FAT3: variants seen among roughly 807,000 people sequenced by gnomAD.
FAT3 encodes FAT atypical cadherin 3, also known as protocadherin Fat 3.
FAT3 carries 95 observed loss-of-function variants against 310.2 expected under a neutral mutation model. The observed-to-expected ratio is 0.31, with a 90% CI of 0.26 to 0.36. The LOEUF (loss-of-function observed/expected upper bound fraction) is 0.36, where lower values mean the gene tolerates loss of function less well. Ranked by LOEUF, FAT3 falls within the 10% of genes least tolerant of loss-of-function variation. The probability of loss-of-function intolerance (pLI) is 1.00; values close to 1 mark genes in which losing one functional copy is unlikely to be tolerated. For synonymous variants in FAT3, 2,314 were observed against 2,192.9 expected (o/e 1.06, Z -1.54); for missense variants, 5,408 against 5,715.6 (o/e 0.95, Z 1.74).
At chr11:92,729,234 AACTG>A (rs1467004154) in intron 4 of FAT3, among the ~76,000 whole-genome samples, 2 of 152,178 alleles carry the variant, frequency 1.3e-5, no homozygotes, top group African/African-American at 2.4e-5. Flanking sequence ...CTTGCAAACA[AACTG>A]ACTGACAAAC....
chr11:92,534,950 C>T (rs578001791), intron 3 of FAT3, among the ~76,000 whole-genome samples: 4 of 152,036 alleles, frequency 2.6e-5, no homozygotes, highest in South Asian at 2.1e-4. Context: ...GGACCAAGAG[C>T]GTATATCCTA....
intron 21 of FAT3, 89 bp downstream of exon 21, chr11:92,859,411 C>G: frequency 6.0e-6 from 8 of 1,326,960 alleles, no homozygotes; most frequent in Non-Finnish European, 8.0e-6. Flanking sequence ...ATCATTTTGT[C>G]TTTTAAGTTC....
At chr11:92,362,886 T>C (rs759275804) in intron 2 of FAT3, among the ~76,000 whole-genome samples, 5 of 152,202 alleles carry the variant, frequency 3.3e-5, no homozygotes, top group Non-Finnish European at 7.3e-5. Flanking sequence ...GTACCAACAG[T>C]AGAGAGATAA....
intron 2 of FAT3, among the ~76,000 whole-genome samples, chr11:92,406,891 C>G (rs74583115): frequency 0.085 from 12,885 of 152,210 alleles, 746 homozygotes; most frequent in Non-Finnish European, 0.12. Context: ...CTACCCTCTT[C>G]CTGGCCAGAT....
intron 4 of FAT3, among the ~76,000 whole-genome samples, chr11:92,725,621 G>A (rs555419062): frequency 2.6e-5 from 4 of 152,154 alleles, no homozygotes; most frequent in Admixed American, 6.5e-5. Flanking sequence ...TAGAAGTCTA[G>A]CATCTTAAAA....
intron 3 of FAT3, among the ~76,000 whole-genome samples, chr11:92,630,228 C>T (rs1190239843): frequency 6.6e-6 from 1 of 152,170 alleles, no homozygotes; most frequent in Non-Finnish European, 1.5e-5. Context: ...CCCCTTGATG[C>T]CTGTGACACT....
chr11:92,612,793 G>A (rs1482780286), intron 3 of FAT3, among the ~76,000 whole-genome samples: 5 of 152,174 alleles, frequency 3.3e-5, no homozygotes, highest in Admixed American at 3.3e-4. Flanking sequence ...CTGAAAGATA[G>A]TGGCATTCAG....
intron 4 of FAT3, among the ~76,000 whole-genome samples, chr11:92,755,024 A>T (rs765062299): frequency 6.6e-6 from 1 of 152,174 alleles, no homozygotes; most frequent in Non-Finnish European, 1.5e-5. Flanking sequence ...TTATAAGAGC[A>T]GAGAATAGAA....
chr11:92,266,443 C>A (rs1479061182), intron 1 of FAT3, among the ~76,000 whole-genome samples: 1 of 152,160 alleles, frequency 6.6e-6, no homozygotes, highest in East Asian at 1.9e-4. Context: ...AGCTGTGTGG[C>A]CTCAGTTGAT....
At chr11:92,519,292 A>G (rs1953604652) in intron 2 of FAT3, among the ~76,000 whole-genome samples, 1 of 152,106 alleles carries the variant, frequency 6.6e-6, no homozygotes, top group Non-Finnish European at 1.5e-5. Context: ...TCAGTGGAAA[A>G]AGAAGAGTCT....
chr11:92,743,821 T>C (rs181086738), intron 4 of FAT3, among the ~76,000 whole-genome samples: 343 of 152,300 alleles, frequency 2.3e-3, no homozygotes, highest in South Asian at 3.7e-3. Context: ...ACAGGGGAAC[T>C]GGGGGCTTTG....
intron 9 of FAT3, 70 bp downstream of exon 9, chr11:92,793,047 CA>C: frequency 6.8e-7 from 1 of 1,480,180 alleles, no homozygotes; most frequent in South Asian, 1.2e-5. Context: ...TATTTATCAC[CA>C]TGTAAAATTC....
chr11:92,447,878 G>A (rs1348326395), intron 2 of FAT3, among the ~76,000 whole-genome samples: 2 of 151,848 alleles, frequency 1.3e-5, no homozygotes, highest in Admixed American at 1.3e-4. Context: ...CTTTGCAGAA[G>A]GGTAGATGCT....
intron 3 of FAT3, among the ~76,000 whole-genome samples, chr11:92,589,426 C>T (rs757684503): frequency 2.0e-4 from 31 of 152,188 alleles, no homozygotes; most frequent in Middle Eastern, 3.4e-3. Flanking sequence ...ACATGACTAG[C>T]ACTTAAAGCC....
Position 92,800,401 on chromosome 11 carries a change from C to T in FAT3, c.7388C>T (p.Pro2463Leu). The stretch of plus-strand genomic sequence containing the variant: ...AACCATCGGAAGCAGCGGATGGAGC[C>T]TCTGTACAGTCTCAATGTGTCTGTC... ...LSNHRKQRME[P>L]LYSLNVSVSD... The change falls in exon 10 of 28, where the codon CCT (proline) becomes CTT (leucine). Residue 2463 changes from proline to leucine, a missense_variant. Physicochemically the swap from Pro to Leu is moderately conservative, Grantham distance 98. Around this residue, in one of 5 missense-constraint regions of FAT3, gnomAD observed 4,588 missense variants for 4,809.8 expected, o/e 0.95. Transcript: ENST00000525166. 2 of 1,614,008 alleles carry T rather than the reference C, an allele frequency of 1.2e-6. No homozygotes were observed. Among genetic ancestry groups the T allele is most frequent in the Non-Finnish European group, 1.7e-6 (2 of 1,179,888 alleles).
chr11:92,428,215 G>T (rs1950678835), intron 2 of FAT3, among the ~76,000 whole-genome samples: 1 of 150,774 alleles, frequency 6.6e-6, no homozygotes, highest in Admixed American at 6.6e-5. Flanking sequence ...GGGATCAGTG[G>T]TGATATCCCC....
chr11:92,755,050 G>T (rs1268705374), intron 4 of FAT3, among the ~76,000 whole-genome samples: 1 of 152,132 alleles, frequency 6.6e-6, no homozygotes, highest in Non-Finnish European at 1.5e-5. Flanking sequence ...GTTACTAGAG[G>T]TGATAGAGGA....
chr11:92,754,421 C>A lies in FAT3; in HGVS notation c.3670-7435C>A, dbSNP rs367856898. On this transcript the variant is annotated intron_variant, in intron 4 of 27. Coordinates refer to ENST00000525166, the MANE Select transcript of FAT3 (RefSeq NM_001367949.2). ...CGGGCGGATCACGAGGTCAGGAGAT[C>A]GAGACCATCCTGGCTAACACAGTGA... Among the ~76,000 whole-genome samples the A allele has an allele frequency of 2.2e-4, 34 of 151,348 alleles. No homozygotes were observed. In the East Asian group the frequency reaches 6.6e-3, roughly 30 times the overall value.
chr11:92,397,721 G>C (rs1949906835), intron 2 of FAT3, among the ~76,000 whole-genome samples: 1 of 149,512 alleles, frequency 6.7e-6, no homozygotes, highest in Admixed American at 6.7e-5. Context: ...TCCATCCCCC[G>C]CTTGCGAACA....
Sources: gnomAD v4.1 joint callset for allele counts (sites outside exome capture counted in the v4.1 genomes callset) on GRCh38, gnomAD v4.1.1 for gene constraint, gnomAD v4.1.1 regional missense constraint, MANE v1.5 for transcripts, NCBI Gene and HGNC (gene_info 2026-07-23, HGNC 2026-07-21) for gene names.